Variants in DRAM2 observed in about 807,000 individuals in gnomAD.
The protein encoded by DRAM2 is DNA damage-regulated autophagy modulator protein 2.
Under a neutral mutation model 33.5 loss-of-function variants are expected in DRAM2, and 26 were observed. That is an observed-to-expected ratio of 0.78 (90% CI 0.57 to 1.08). The LOEUF is 1.08. Ranked by LOEUF, DRAM2 falls within the 50% of genes least tolerant of loss-of-function variation. The pLI, the probability that DRAM2 is intolerant of heterozygous loss-of-function variation, is 0.00. For synonymous variants in DRAM2, 98 were observed against 109.5 expected (o/e 0.89, Z 0.66); for missense variants, 311 against 318.1 (o/e 0.98, Z 0.17).
At chr1:111,133,389 G>A (rs1275178929) in intron 3 of DRAM2, among the ~76,000 whole-genome samples, 2 of 152,084 alleles carry the variant, frequency 1.3e-5, no homozygotes, top group Non-Finnish European at 2.9e-5. Context: ...CGTTGGCCAG[G>A]CTGGTCTCGA....
Position 111,120,661 on chromosome 1 carries a change from TC to T in DRAM2, c.371del (p.Gly124GlufsTer45), listed in dbSNP as rs1649874973. The T allele has an allele frequency of 1.9e-6, 3 of 1,588,254 alleles. No individual in the cohort carries two copies. The East Asian group carries it at 6.9e-5, about 36-fold the overall frequency. On this transcript the variant is annotated frameshift_variant, in exon 7 of 10. Coordinates refer to ENST00000484310, the MANE Select transcript of DRAM2 (RefSeq NM_001349884.2). LOFTEE classifies it high-confidence loss of function. ...KTTLFAAHVS[G>X]AVLTFGMGSL... ...AGCCCATACCAAAGGTAAGCACAGC[TC>T]CACTTACATGTGCAGCAAAAAGGGT...
intron 4 of DRAM2, chr1:111,128,130 GTTTCT>G (rs1312115444): frequency 8.4e-6 from 1 of 118,398 alleles, no homozygotes; most frequent in Non-Finnish European, 1.8e-5. Flanking sequence ...CATTTTCTTC[GTTTCT>G]TTTTTTTTTT....
Position 111,120,499 on chromosome 1 carries a change from T to G in DRAM2, c.517+17A>C. The stretch of plus-strand genomic sequence containing the variant: ...AATTCCTTTCCAAGTGTAGCCACAT[T>G]GTACAGTGAAGGATACTGCTAAGTG... On this transcript the variant is annotated intron_variant, in intron 7 of 9. Coordinates refer to ENST00000484310, the MANE Select transcript of DRAM2 (RefSeq NM_001349884.2). The G allele has an allele frequency of 6.5e-7, 1 of 1,545,474 alleles. No individual in the cohort carries two copies. The highest frequency in any genetic ancestry group is 8.7e-7 in the Non-Finnish European group (1 of 1,144,684).
intron 2 of DRAM2, among the ~76,000 whole-genome samples, chr1:111,138,173 T>G (rs1424078143): frequency 2.0e-5 from 3 of 152,246 alleles, no homozygotes; most frequent in African/African-American, 7.2e-5. Flanking sequence ...TATGTATGAT[T>G]TTTTTCTATG....
chr1:111,137,275 T>A (rs903639457), intron 3 of DRAM2, among the ~76,000 whole-genome samples: 42 of 136,164 alleles, frequency 3.1e-4, no homozygotes, highest in Admixed American at 5.0e-4. Flanking sequence ...AAAAAAAAAA[T>A]TTCCATGATT....
chr1:111,123,627 T>G (rs966172706), intron 6 of DRAM2, among the ~76,000 whole-genome samples: 6 of 152,210 alleles, frequency 3.9e-5, no homozygotes, highest in Non-Finnish European at 7.4e-5. Context: ...TTTTGACTAT[T>G]TGACCCCTCC....
At chr1:111,127,312 T>A (rs1651203278) in intron 4 of DRAM2, among the ~76,000 whole-genome samples, 1 of 152,024 alleles carries the variant, frequency 6.6e-6, no homozygotes, top group African/African-American at 2.4e-5. Context: ...AGACAATGCA[T>A]GGGGATAAAA....
rs1484034534 is a variant in DRAM2, at chr1:111,139,547, T to C, written c.-125A>G. ...GGAACGTGTACTCAATTAGCTTTTG[T>C]GGGAAAGGGTTGAAGATTCTTGGTA... On this transcript the variant is annotated 5_prime_UTR_variant, in exon 2 of 10. Transcript: ENST00000484310. 3 of 152,234 alleles carry C rather than the reference T, an allele frequency of 2.0e-5. No homozygotes were observed. The highest frequency in any genetic ancestry group is 4.4e-5 in the Non-Finnish European group (3 of 68,062). 9.4% of individuals were successfully genotyped at this position (152,234 alleles called of 1,614,324 possible).
chr1:111,124,964 T>G, intron 5 of DRAM2, 83 bp from the exon 6 acceptor site: 1 of 1,175,086 alleles, frequency 8.5e-7, no homozygotes. Flanking sequence ...CAAAGGTCAC[T>G]GCTATCCAGA....
rs1649431626 is a variant in DRAM2 at position 111,118,860 on chromosome 1, C to T, written c.638G>A (p.Trp213Ter). The T allele has an allele frequency of 6.2e-7, 1 of 1,610,030 alleles. No individual in the cohort carries two copies. Residue 213 changes from tryptophan to a stop codon, truncating the protein, a stop_gained, in exon 9 of 10, where the codon TGG (tryptophan) becomes TAG (stop). Transcript: ENST00000484310. LOFTEE classifies it high-confidence loss of function. ...ACCAAAGAAGGAAAATGACATAGAC[C>T]ATTCTGCTGCAGTAGTGATCATGTG... ...VLHMITTAAE[W>*]SMSFSFFGFF...
In DRAM2 at chr1:111,118,226, G is replaced by T; in HGVS notation, c.735C>A (p.Thr245=). Residue 245 remains threonine, a synonymous_variant, in exon 10 of 10, where the codon ACC becomes ACA. Coordinates refer to ENST00000484310, the MANE Select transcript of DRAM2 (RefSeq NM_001349884.2). ...LRVEANLHGL[T]LYDTAPCPIN... is the part of the protein sequence containing the mutation. ...TAGGGCAAGGTGCAGTGTCATAGAG[G>T]GTTAATCCATGTAAATTGGCTTCCA... The T allele has an allele frequency of 6.2e-7, 1 of 1,612,724 alleles. No individual in the cohort carries two copies. The highest frequency in any genetic ancestry group is 1.3e-5 in the African/African-American group (1 of 74,920).
At chr1:111,129,749 G>A (rs1042270461) in intron 4 of DRAM2, among the ~76,000 whole-genome samples, 3 of 152,042 alleles carry the variant, frequency 2.0e-5, no homozygotes, top group Admixed American at 1.3e-4. Flanking sequence ...AAAAGGGAAG[G>A]AAGAATAAGT....
intron 4 of DRAM2, 39 bp from the exon 5 acceptor site, chr1:111,126,333 T>C (rs1651017830): frequency 8.5e-7 from 1 of 1,176,852 alleles, no homozygotes. Context: ...TTTCTCATAC[T>C]AGATAAACAC....
At chr1:111,125,033 A>C in intron 5 of DRAM2, 152 bp from the exon 6 acceptor site, 3 of 779,418 alleles carry the variant, frequency 3.8e-6, no homozygotes, top group African/African-American at 1.8e-5. Context: ...AAAAAACAAA[A>C]TAGCTGTAGT....
At chr1:111,119,698 A>T (rs1156449834) in intron 8 of DRAM2, 179 bp downstream of exon 8, 1 of 585,480 alleles carries the variant, frequency 1.7e-6, no homozygotes, top group Non-Finnish European at 3.0e-6. Context: ...ATCACAGGTG[A>T]CAGGAGAATA....
At chr1:111,127,479 G>T (rs1048412751) in intron 4 of DRAM2, among the ~76,000 whole-genome samples, 1 of 151,390 alleles carries the variant, frequency 6.6e-6, no homozygotes, top group Non-Finnish European at 1.5e-5. Context: ...AAAAAAATCT[G>T]CAGTGAAAAT....
At position 111,118,215 on chromosome 1, in the gene DRAM2, G is replaced by A. The variant is rs1051008221; in HGVS notation, c.746C>T (p.Thr249Ile). The part of the protein sequence containing the change: ...ANLHGLTLYD[T>I]APCPINNERT... Reference sequence around the variant, plus strand: ...TTCATTGTTAATAGGGCAAGGTGCAGTGTCATAGAGGGTTAATCCATGTAA... The same window carrying A: ...TTCATTGTTAATAGGGCAAGGTGCAATGTCATAGAGGGTTAATCCATGTAA... The change falls in exon 10 of 10, where the codon ACT (threonine) becomes ATT (isoleucine). Residue 249 changes from threonine (T) to isoleucine (I), a missense_variant. Coordinates refer to ENST00000484310, the MANE Select transcript of DRAM2 (RefSeq NM_001349884.2). 5 of 1,613,022 alleles carry A rather than the reference G, an allele frequency of 3.1e-6. No individual in the cohort carries two copies. The highest frequency in any genetic ancestry group is 4.2e-6 in the Non-Finnish European group (5 of 1,179,290).
chr1:111,135,725 A>G (rs1365256921), intron 3 of DRAM2, among the ~76,000 whole-genome samples: 1 of 152,170 alleles, frequency 6.6e-6, no homozygotes, highest in Admixed American at 6.5e-5. Context: ...CTCTGAGAAC[A>G]CTTGACTTTC....
At chr1:111,138,600 A>G (rs1196148037) in intron 2 of DRAM2, among the ~76,000 whole-genome samples, 1 of 152,218 alleles carries the variant, frequency 6.6e-6, no homozygotes, top group Non-Finnish European at 1.5e-5. Flanking sequence ...CCTGGCCAAC[A>G]TGGTGACACC....
Sources: gnomAD v4.1 joint callset for allele counts (sites outside exome capture counted in the v4.1 genomes callset) on GRCh38, gnomAD v4.1.1 for gene constraint, MANE v1.5 for transcripts, NCBI Gene and HGNC (gene_info 2026-07-23, HGNC 2026-07-21) for gene names.